EPHB2: variants seen among roughly 807,000 people sequenced by gnomAD.
EPHB2 encodes the protein EPH receptor B2.
Under a neutral mutation model 96.4 loss-of-function variants are expected in EPHB2, and 18 were observed. The observed-to-expected ratio is 0.19, with a 90% CI of 0.13 to 0.28. The LOEUF (loss-of-function observed/expected upper bound fraction) is 0.28, where lower values mean the gene tolerates loss of function less well. EPHB2 is among the 10% of genes least tolerant of loss of function. The probability of loss-of-function intolerance (pLI) is 1.00; values close to 1 mark genes in which losing one functional copy is unlikely to be tolerated. For synonymous variants in EPHB2, 506 were observed against 534.1 expected (o/e 0.95, Z 0.72); for missense variants, 989 against 1,355.4 (o/e 0.73, Z 4.25).
At chr1:22,888,234 G>T (rs867462962) in intron 6 of EPHB2, among the ~76,000 whole-genome samples, 15 of 152,178 alleles carry the variant, frequency 9.9e-5, no homozygotes, top group African/African-American at 3.6e-4. Context: ...GTAGAGATGG[G>T]GTTTCACCAT....
intron 3 of EPHB2, among the ~76,000 whole-genome samples, chr1:22,821,869 GGT>G (rs1645156945): frequency 6.6e-6 from 1 of 152,128 alleles, no homozygotes; most frequent in Non-Finnish European, 1.5e-5. Context: ...TGAAGCTAGG[GGT>G]GGTTTTTGCT....
At chr1:22,899,216 T>C (rs979534831) in intron 9 of EPHB2, among the ~76,000 whole-genome samples, 2 of 143,078 alleles carry the variant, frequency 1.4e-5, no homozygotes, top group Non-Finnish European at 3.0e-5. Flanking sequence ...AAAAAATAGT[T>C]TGGGGCCAGG....
At chr1:22,844,991 GC>G (rs1645521258) in intron 3 of EPHB2, among the ~76,000 whole-genome samples, 1 of 152,228 alleles carries the variant, frequency 6.6e-6, no homozygotes, top group Non-Finnish European at 1.5e-5. Flanking sequence ...AATGCTCAGA[GC>G]CTCAGTTTCC....
At chr1:22,723,296 C>G (rs1643509888) in intron 1 of EPHB2, among the ~76,000 whole-genome samples, 1 of 152,254 alleles carries the variant, frequency 6.6e-6, no homozygotes, top group Admixed American at 6.5e-5. Context: ...CCCGCAGGGC[C>G]TTTTTGGAAC....
intron 9 of EPHB2, among the ~76,000 whole-genome samples, chr1:22,902,002 T>C (rs939253476): frequency 1.3e-5 from 2 of 152,122 alleles, no homozygotes; most frequent in African/African-American, 2.4e-5. Flanking sequence ...ACTTATTTAT[T>C]TTTTGTAGAG....
chr1:22,893,915 C>T (rs529396816), intron 7 of EPHB2, among the ~76,000 whole-genome samples: 15 of 152,348 alleles, frequency 9.8e-5, no homozygotes. Context: ...GTGACTCTGT[C>T]TGACCAGATT....
intron 3 of EPHB2, among the ~76,000 whole-genome samples, chr1:22,804,840 C>T (rs376283923): frequency 6.6e-6 from 1 of 151,932 alleles, no homozygotes; most frequent in East Asian, 1.9e-4. Flanking sequence ...TCCATCTCCC[C>T]TCCTCTCTGT....
At chr1:22,901,860 T>A (rs1639763226) in intron 9 of EPHB2, among the ~76,000 whole-genome samples, 1 of 142,390 alleles carries the variant, frequency 7.0e-6, no homozygotes, top group South Asian at 2.2e-4. Context: ...AGGGTCTCAC[T>A]TTGTCACCAC....
chr1:22,754,783 A>G (rs1433103084), intron 1 of EPHB2, among the ~76,000 whole-genome samples: 1 of 9,878 alleles, frequency 1.0e-4, no homozygotes, highest in Non-Finnish European at 2.1e-4. Flanking sequence ...CAGAGCAGAA[A>G]AGAGAGGTCG....
Position 22,917,465 on chromosome 1 carries a change from C to G in EPHB2, c.*3895C>G, listed in dbSNP as rs1398421642. The G allele has an allele frequency of 6.6e-6, 1 of 152,256 alleles. No individual in the cohort carries two copies. Among genetic ancestry groups the G allele is most frequent in the East Asian group, 1.9e-4 (1 of 5,190 alleles). The allele number at this position is 152,256 out of a possible 1,614,324, so 9.4% of individuals were successfully genotyped here. On this transcript the variant is annotated 3_prime_UTR_variant, in exon 16 of 16. Transcript: ENST00000374630. ...AATGCATTCAAAAGACAGGGTACCACATGATGCTAGGGAAAGTGCGTCATG... is the reference window on the plus strand; with the variant it reads ...AATGCATTCAAAAGACAGGGTACCAGATGATGCTAGGGAAAGTGCGTCATG...
rs532350360 is a variant in EPHB2 at position 22,836,307 on chromosome 1, G to A, written c.812-26730G>A. ...GAGTCCAACTCTACACCAGGCTCTC[G>A]GAGGCACAAAGATGAACCAGACAAG... On this transcript the variant is annotated intron_variant, in intron 3 of 15. Transcript: ENST00000374630. 3.9e-5 allele frequency among the ~76,000 whole-genome samples: 6 copies of A among 152,324 alleles called. No homozygotes were observed. The South Asian group carries it at 1.2e-3, about 32-fold the overall frequency.
At position 22,790,274 on chromosome 1, in the gene EPHB2, T is replaced by C. The variant is rs566654373; in HGVS notation, c.811+5198T>C. 6.6e-6 allele frequency among the ~76,000 whole-genome samples: 1 copy of C among 152,224 alleles called. No homozygotes were observed. The highest frequency in any genetic ancestry group is 2.4e-5 in the African/African-American group (1 of 41,528). On this transcript the variant is annotated intron_variant, in intron 3 of 15. Coordinates refer to ENST00000374630, the MANE Select transcript of EPHB2 (RefSeq NM_017449.5). This position sits in a 1 kb window ranked among gnomAD's most constrained non-coding sequence, Gnocchi z 4.0. ...GTGTATAGGGATTAGGACACAATTTTCCCCTATTTATTCACCTGTTCATTT... is the reference window on the plus strand; with the variant it reads ...GTGTATAGGGATTAGGACACAATTTCCCCCTATTTATTCACCTGTTCATTT...
In EPHB2 at chr1:22,784,331, G is replaced by C. The variant is rs1644576247; in HGVS notation, c.127-61G>C. ...GGCAGAGTCTGTGTCTTCCACCTTA[G>C]ACTGAGTGTGTGCTGGGGCTGAGCC... On this transcript the variant is annotated intron_variant, in intron 2 of 15. Transcript: ENST00000374630. The surrounding 1 kb of genome is among the most constrained non-coding windows in gnomAD (Gnocchi z 5.1). The C allele has an allele frequency of 6.5e-7, 1 of 1,541,734 alleles. No homozygotes were observed. Among genetic ancestry groups the C allele is most frequent in the South Asian group, 1.1e-5 (1 of 88,164 alleles).
At chr1:22,912,276 C>G (rs1258172732) in intron 14 of EPHB2, among the ~76,000 whole-genome samples, 168 bp from the exon 15 acceptor site, 2 of 152,210 alleles carry the variant, frequency 1.3e-5, no homozygotes, top group Non-Finnish European at 2.9e-5. Context: ...AGGTTCAAAC[C>G]CATGCCCGCA....
chr1:22,810,010 G>C (rs1276413364), intron 3 of EPHB2, among the ~76,000 whole-genome samples: 1 of 152,200 alleles, frequency 6.6e-6, no homozygotes, highest in South Asian at 2.1e-4. Context: ...ATAGGAGTCT[G>C]CCTGGTGGAG....
At chr1:22,747,995 G>A (rs1010704644) in intron 1 of EPHB2, among the ~76,000 whole-genome samples, 1 of 152,226 alleles carries the variant, frequency 6.6e-6, no homozygotes, top group Non-Finnish European at 1.5e-5. Flanking sequence ...TGGCAGGATA[G>A]CATGGTAGCT....
chr1:22,811,961 C>T (rs1478931235), intron 3 of EPHB2, among the ~76,000 whole-genome samples: 2 of 152,188 alleles, frequency 1.3e-5, no homozygotes, highest in Non-Finnish European at 2.9e-5. Flanking sequence ...ATCACTTGAG[C>T]CTAAGAGGTC....
chr1:22,869,155 TG>T (rs1367300891), intron 5 of EPHB2, among the ~76,000 whole-genome samples: 1 of 152,032 alleles, frequency 6.6e-6, no homozygotes, highest in Non-Finnish European at 1.5e-5. Flanking sequence ...AGAGCCCAGC[TG>T]GGGGCTGTGC....
intron 1 of EPHB2, among the ~76,000 whole-genome samples, chr1:22,760,447 A>G (rs974252840): frequency 2.6e-5 from 4 of 152,144 alleles, no homozygotes; most frequent in Admixed American, 1.3e-4. Flanking sequence ...GATGACATCT[A>G]TTTTGGTTTT....
Sources: allele counts gnomAD v4.1 joint callset (sites outside exome capture counted in the v4.1 genomes callset), GRCh38; gene constraint gnomAD v4.1.1; non-coding constraint Gnocchi (gnomAD v3.1); transcripts MANE v1.5; gene names NCBI Gene and HGNC (gene_info 2026-07-23, HGNC 2026-07-21).